The following DAB1 variants were observed in gnomAD, a reference collection of about 807,000 sequenced individuals.
DAB1 encodes DAB adaptor protein 1, also known as disabled homolog 1.
Under a neutral mutation model 64.6 loss-of-function variants are expected in DAB1, and 15 were observed. That is an observed-to-expected ratio of 0.23 (90% CI 0.16 to 0.36). The LOEUF (loss-of-function observed/expected upper bound fraction) is 0.36, where lower values mean the gene tolerates loss of function less well. DAB1 is among the 10% of genes least tolerant of loss of function. DAB1 has a pLI of 1.00. For synonymous variants in DAB1, 235 were observed against 251.9 expected, an observed-to-expected ratio of 0.93 and a Z score of 0.64; for missense variants, 596 against 706.7, an observed-to-expected ratio of 0.84 and a Z score of 1.78.
intron 2 of DAB1, among the ~76,000 whole-genome samples, chr1:57,175,670 A>G (rs1482131839): frequency 2.6e-5 from 4 of 152,200 alleles, no homozygotes; most frequent in Non-Finnish European, 5.9e-5. Context: ...TAGCATAACA[A>G]TGGCTAAACT....
intron 7 of DAB1, among the ~76,000 whole-genome samples, chr1:57,522,573 G>GA (rs1200761154): frequency 1.3e-5 from 2 of 152,196 alleles, no homozygotes; most frequent in African/African-American, 4.8e-5. Flanking sequence ...AATCATGGTG[G>GA]AGACAAAGGA....
intron 2 of DAB1, among the ~76,000 whole-genome samples, chr1:57,267,869 G>A (rs1471440696): frequency 6.6e-6 from 1 of 152,088 alleles, no homozygotes; most frequent in African/African-American, 2.4e-5. Context: ...GGTATCCCAC[G>A]CTCCCCCATG....
At chr1:58,239,390 G>C (rs1462066913) in intron 4 of DAB1, among the ~76,000 whole-genome samples, 1 of 152,152 alleles carries the variant, frequency 6.6e-6, no homozygotes, top group Non-Finnish European at 1.5e-5. Context: ...CTTGGAGGAA[G>C]AAAGGACATG....
At chr1:57,845,236 G>A (rs968021928) in intron 1 of DAB1, among the ~76,000 whole-genome samples, 2 of 152,120 alleles carry the variant, frequency 1.3e-5, no homozygotes, top group East Asian at 3.9e-4. Flanking sequence ...TTGGAGAAGT[G>A]GTCTGACAAC....
At chr1:58,173,003 G>A (rs951364980) in intron 4 of DAB1, among the ~76,000 whole-genome samples, 12 of 152,232 alleles carry the variant, frequency 7.9e-5, no homozygotes, top group African/African-American at 2.9e-4. Context: ...GGAGGTGGCA[G>A]TCTTACACTG....
chr1:57,981,644 T>G (rs1646068389), intron 5 of DAB1, among the ~76,000 whole-genome samples: 1 of 152,192 alleles, frequency 6.6e-6, no homozygotes, highest in Non-Finnish European at 1.5e-5. Context: ...TTTTGCCTGC[T>G]TGTGACTATC....
At chr1:58,261,903 G>C (rs1179236822) in intron 4 of DAB1, among the ~76,000 whole-genome samples, 2 of 152,066 alleles carry the variant, frequency 1.3e-5, no homozygotes, top group Non-Finnish European at 2.9e-5. Flanking sequence ...ATACCCCCAG[G>C]TAGAATTTAC....
At chr1:57,234,526 CTAT>C (rs1274430593) in intron 2 of DAB1, among the ~76,000 whole-genome samples, 1 of 152,124 alleles carries the variant, frequency 6.6e-6, no homozygotes, top group Non-Finnish European at 1.5e-5. Flanking sequence ...CAGGTAACTG[CTAT>C]TATTAATAAC....
intron 4 of DAB1, among the ~76,000 whole-genome samples, chr1:58,312,045 G>A (rs933817217): frequency 6.6e-6 from 1 of 152,096 alleles, no homozygotes; most frequent in Non-Finnish European, 1.5e-5. Flanking sequence ...ACCAATGTGA[G>A]ATAAAGGAAG....
intron 5 of DAB1, among the ~76,000 whole-genome samples, chr1:58,051,506 A>G (rs1033351322): frequency 6.6e-6 from 1 of 152,204 alleles, no homozygotes; most frequent in African/African-American, 2.4e-5. Flanking sequence ...TGCAATAGAC[A>G]TACGTGTGCA....
At chr1:57,125,990 G>A (rs2100766267) in intron 4 of DAB1, among the ~76,000 whole-genome samples, 2 of 152,226 alleles carry the variant, frequency 1.3e-5, no homozygotes, top group South Asian at 4.2e-4. Context: ...CATGCCAGGA[G>A]GTAGGAGATA....
intron 5 of DAB1, among the ~76,000 whole-genome samples, chr1:58,074,140 C>A (rs1379544646): frequency 6.6e-6 from 1 of 152,106 alleles, no homozygotes; most frequent in Non-Finnish European, 1.5e-5. Flanking sequence ...TGCAACCAAA[C>A]ACGTTATAAA....
intron 7 of DAB1, among the ~76,000 whole-genome samples, chr1:57,584,450 C>T (rs1327117640): frequency 6.6e-6 from 1 of 152,134 alleles, no homozygotes; most frequent in African/African-American, 2.4e-5. Context: ...CTCTCTGGGT[C>T]CTTGGAATAG....
intron 2 of DAB1, among the ~76,000 whole-genome samples, chr1:57,197,748 C>A (rs1055972644): frequency 3.3e-5 from 5 of 152,150 alleles, no homozygotes; most frequent in African/African-American, 1.2e-4. Context: ...TCACACATGG[C>A]AGACAGACAC....
At chr1:58,225,627 C>A (rs1181284290) in intron 4 of DAB1, among the ~76,000 whole-genome samples, 1 of 143,082 alleles carries the variant, frequency 7.0e-6, no homozygotes, top group Non-Finnish European at 1.5e-5. Flanking sequence ...GAATACTATG[C>A]AGCCATAAAA....
chr1:57,227,462 G>C (rs1443499795), intron 2 of DAB1, among the ~76,000 whole-genome samples: 1 of 151,832 alleles, frequency 6.6e-6, no homozygotes, highest in South Asian at 2.1e-4. Context: ...TGGGTAAATA[G>C]ATAAGGAGCA....
At chr1:57,512,818 G>T (rs148229158) in intron 7 of DAB1, among the ~76,000 whole-genome samples, 55 of 152,286 alleles carry the variant, frequency 3.6e-4, no homozygotes, top group Non-Finnish European at 5.6e-4. Context: ...GTTTAGGTTT[G>T]GGGGCATGGC....
intron 2 of DAB1, among the ~76,000 whole-genome samples, chr1:57,163,960 C>A (rs960733556): frequency 6.6e-6 from 1 of 152,090 alleles, no homozygotes; most frequent in African/African-American, 2.4e-5. Context: ...GCAGAGAGAG[C>A]AATTTCCAAA....
At chr1:57,627,275 T>A in intron 7 of DAB1, among the ~76,000 whole-genome samples, 1 of 152,186 alleles carries the variant, frequency 6.6e-6, no homozygotes, top group East Asian at 1.9e-4. Context: ...AGCTGACTTA[T>A]ACTCACTGGC....
Sources: gnomAD v4.1 joint callset for allele counts (sites outside exome capture counted in the v4.1 genomes callset) on GRCh38, gnomAD v4.1.1 for gene constraint, MANE v1.5 for transcripts, NCBI Gene and HGNC (gene_info 2026-07-23, HGNC 2026-07-21) for gene names.